The following ZNF415 variants were observed in gnomAD, a reference collection of about 807,000 sequenced individuals.
ZNF415 encodes the protein zinc finger protein 415.
ZNF415 carries 5 observed loss-of-function variants against 7.3 expected under a neutral mutation model. The observed-to-expected ratio is 0.69, with a 90% CI of 0.36 to 1.44. The LOEUF (loss-of-function observed/expected upper bound fraction) is 1.44. Among genes scored for constraint, ZNF415 ranks in the 40% most tolerant of loss-of-function variants. The pLI, the probability that ZNF415 is intolerant of heterozygous loss-of-function variation, is 0.04. For missense variants in ZNF415, 628 were observed against 664.8 expected (o/e 0.94, Z 0.61); for synonymous variants, 207 against 226.3 (o/e 0.91, Z 0.77).
chr19:53,121,118 G>A (rs1316638021), intron 2 of ZNF415, among the ~76,000 whole-genome samples: 14 of 146,510 alleles, frequency 9.6e-5, no homozygotes, highest in Admixed American at 2.1e-4. Flanking sequence ...ACAGCTGGCC[G>A]GGCACAGTGG....
Position 53,108,848 on chromosome 19 carries a change from A to G in ZNF415, c.1197T>C (p.Leu399=). The part of the protein sequence containing the change: ...CGKVFSQTSS[L]ARHWRIHTGE... ...CAGTATGAATTCTCCAATGCCTTGC[A>G]AGGCTTGAAGTCTGACTGAAGACTT... Residue 399 remains leucine (L), a synonymous_variant, in exon 4 of 4, where the codon CTT becomes CTC. Transcript: ENST00000243643. The G allele has an allele frequency of 2.5e-6, 4 of 1,614,140 alleles. No individual in the cohort carries two copies. The highest frequency in any genetic ancestry group is 3.4e-6 in the Non-Finnish European group (4 of 1,180,006).
At chr19:53,119,426 CAG>C (rs1205733294) in intron 2 of ZNF415, among the ~76,000 whole-genome samples, 2 of 99,942 alleles carry the variant, frequency 2.0e-5, no homozygotes, top group African/African-American at 7.8e-5. Context: ...GCCTGGGTGA[CAG>C]AGCAAGACTC....
In ZNF415 at chr19:53,116,332, G is replaced by A. The variant is rs1257485910; in HGVS notation, c.117C>T (p.Tyr39=). ...TLYRDVMLEN[Y]RNLVSLDLSR... is the part of the protein sequence containing the mutation. ...CCTCACCCAGGGAGACCAGGTTCCT[G>A]TAGTTCTCCAACATCACATCCCTGT... Residue 39 remains tyrosine, a synonymous_variant, in exon 3 of 4, where the codon TAC becomes TAT. Coordinates refer to ENST00000243643, the MANE Select transcript of ZNF415 (RefSeq NM_018355.4). 1 of 1,611,288 alleles carries A rather than the reference G, an allele frequency of 6.2e-7. No homozygotes were observed.
Position 53,111,894 on chromosome 19 carries a change from TA to T in ZNF415, c.137-1987del, listed in dbSNP as rs372452976. Among the ~76,000 whole-genome samples, 456 of 152,204 alleles carry T rather than the reference TA, an allele frequency of 3.0e-3. 3 individuals are homozygous for T. Among genetic ancestry groups the T allele is most frequent in the African/African-American group, 0.01 (426 of 41,516 alleles). On this transcript the variant is annotated intron_variant, in intron 3 of 3. Coordinates refer to ENST00000243643, the MANE Select transcript of ZNF415 (RefSeq NM_018355.4). ...ATCTAACCTAAATTTTCACAGAAAA[TA>T]AGAGAGAAAAACAAGACTAAATCCT...
intron 1 of ZNF415, among the ~76,000 whole-genome samples, chr19:53,130,433 T>C (rs1338431428): frequency 6.9e-6 from 1 of 144,000 alleles, no homozygotes; most frequent in Non-Finnish European, 1.5e-5. Context: ...AAATATCTGA[T>C]GAATTTTGGA....
chr19:53,130,280 C>A (rs769606119), intron 1 of ZNF415, among the ~76,000 whole-genome samples: 1 of 152,126 alleles, frequency 6.6e-6, no homozygotes, highest in Non-Finnish European at 1.5e-5. Context: ...ACATCTTTAT[C>A]AGGTACACAT....
At position 53,127,792 on chromosome 19, in the gene ZNF415, G is replaced by A. The variant is rs113154674; in HGVS notation, c.-67-5049C>T. Among the ~76,000 whole-genome samples, 231 of 150,782 alleles carry A rather than the reference G, an allele frequency of 1.5e-3. 2 individuals are homozygous for A. Among genetic ancestry groups the A allele is most frequent in the African/African-American group, 5.1e-3 (208 of 40,880 alleles). Reference sequence around the variant, plus strand: ...CTCGGGAGGCTGAGGCACGCGAATCGCTTGAACCTAGGAGGTGGAGGTTGC... The same window carrying A: ...CTCGGGAGGCTGAGGCACGCGAATCACTTGAACCTAGGAGGTGGAGGTTGC... On this transcript the variant is annotated intron_variant, in intron 1 of 3. Coordinates refer to ENST00000243643, the MANE Select transcript of ZNF415 (RefSeq NM_018355.4).
chr19:53,116,611 CTCT>C (rs71899853), intron 2 of ZNF415, among the ~76,000 whole-genome samples, 178 bp from the exon 3 acceptor site: 37,189 of 131,032 alleles, frequency 0.28, 4,132 homozygotes, highest in South Asian at 0.39. Context: ...TTTTTTTTCT[CTCT>C]TTTTTTTTTT....
chr19:53,119,864 C>T (rs2087701740), intron 2 of ZNF415, among the ~76,000 whole-genome samples: 3 of 151,770 alleles, frequency 2.0e-5, no homozygotes, highest in South Asian at 2.1e-4. Context: ...ATTCAGAAAA[C>T]CTTAACAGAC....
intron 1 of ZNF415, among the ~76,000 whole-genome samples, chr19:53,128,544 G>A (rs181747302): frequency 1.8e-5 from 2 of 112,410 alleles, no homozygotes; most frequent in African/African-American, 3.0e-5. Flanking sequence ...GACTGTGAGC[G>A]CATCACCTGC....
At chr19:53,127,617 A>G (rs1401607430) in intron 1 of ZNF415, among the ~76,000 whole-genome samples, 2 of 152,104 alleles carry the variant, frequency 1.3e-5, no homozygotes, top group Non-Finnish European at 2.9e-5. Context: ...GGTGGCTCCC[A>G]CCTGTAATCC....
rs907328126 is a variant in ZNF415, at chr19:53,115,675, G to T, written c.136+638C>A. The stretch of plus-strand genomic sequence containing the variant: ...TTTCCAAACATAGTGTAATGGTGTG[G>T]CTTCCTCTCCCCTCATCTGAGGTCT... On this transcript the variant is annotated intron_variant, in intron 3 of 3. Transcript: ENST00000243643. The T allele has an allele frequency of 7.4e-6, 11 of 1,487,702 alleles. No homozygotes were observed. The Admixed American group carries it at 2.2e-4, about 29-fold the overall frequency. The allele number at this position is 1,487,702 out of a possible 1,614,324, so 92.2% of individuals were successfully genotyped here. A position where few individuals can be genotyped will look rare whatever the true frequency, so the allele number is the denominator to read the frequency against.
chr19:53,113,728 A>C (rs2086597699), intron 3 of ZNF415, among the ~76,000 whole-genome samples: 1 of 152,200 alleles, frequency 6.6e-6, no homozygotes, highest in South Asian at 2.1e-4. Context: ...TGTGGTGTGA[A>C]CAATAGTTTA....
At position 53,108,537 on chromosome 19, in the gene ZNF415, T is replaced by G. The variant is rs772903273; in HGVS notation, c.1508A>C (p.Lys503Thr). Residue 503 changes from lysine (K) to threonine (T), a missense_variant, in exon 4 of 4, where the codon AAA (lysine) becomes ACA (threonine). Transcript: ENST00000243643. ...GAGGTTTGGGCGCACACTAAAGGATTTGCCACACTCATTACATTTGTAAGG... is the reference window on the plus strand; with the variant it reads ...GAGGTTTGGGCGCACACTAAAGGATGTGCCACACTCATTACATTTGTAAGG... The part of the protein sequence containing the change: ...EKPYKCNECG[K>T]SFSVRPNLTR... 6.2e-7 allele frequency: 1 copy of G among 1,614,144 alleles called. No homozygotes were observed. Among genetic ancestry groups the G allele is most frequent in the African/African-American group, 1.3e-5 (1 of 75,064 alleles).
chr19:53,116,610 T>A, intron 2 of ZNF415, among the ~76,000 whole-genome samples, 177 bp from the exon 3 acceptor site: 1 of 77,440 alleles, frequency 1.3e-5, no homozygotes, highest in East Asian at 4.1e-4. Flanking sequence ...GTTTTTTTTC[T>A]CTCTTTTTTT....
intron 1 of ZNF415, among the ~76,000 whole-genome samples, chr19:53,129,124 C>T (rs1339197496): frequency 6.6e-6 from 1 of 152,102 alleles, no homozygotes; most frequent in East Asian, 1.9e-4. Flanking sequence ...CATTTAGGGA[C>T]ATAGGGTAAA....
intron 1 of ZNF415, among the ~76,000 whole-genome samples, chr19:53,130,053 A>G (rs1005851524): frequency 4.8e-5 from 7 of 145,954 alleles, no homozygotes; most frequent in African/African-American, 1.8e-4. Context: ...TGAGAGAGCA[A>G]GACTCCAGCT....
At position 53,108,251 on chromosome 19, in the gene ZNF415, G is replaced by T; in HGVS notation, c.*126C>A. 2 of 864,470 alleles carry T rather than the reference G, an allele frequency of 2.3e-6. No individual in the cohort carries two copies. Among genetic ancestry groups the T allele is most frequent in the Non-Finnish European group, 3.5e-6 (2 of 577,668 alleles). 53.5% of individuals were successfully genotyped at this position (864,470 alleles called of 1,614,324 possible). A position where few individuals can be genotyped will look rare whatever the true frequency, so the allele number is the denominator to read the frequency against. ...GATTCTCTCAAGAATGAAATTCTCT[G>T]ATGCTGTGTAGGAGTGAATTGTGAC... On this transcript the variant is annotated 3_prime_UTR_variant, in exon 4 of 4. Coordinates refer to ENST00000243643, the MANE Select transcript of ZNF415 (RefSeq NM_018355.4).
chr19:53,122,028 C>G (rs186000578), intron 2 of ZNF415, among the ~76,000 whole-genome samples: 41 of 151,962 alleles, frequency 2.7e-4, no homozygotes, highest in African/African-American at 9.4e-4. Flanking sequence ...GGGTGGATCA[C>G]CTGAGGTCTG....
Sources: gnomAD v4.1 joint callset for allele counts (sites outside exome capture counted in the v4.1 genomes callset) on GRCh38, gnomAD v4.1.1 for gene constraint, MANE v1.5 for transcripts, NCBI Gene and HGNC (gene_info 2026-07-23, HGNC 2026-07-21) for gene names.